The following AANAT variants were observed in gnomAD, a reference collection of about 807,000 sequenced individuals.
The protein encoded by AANAT is serotonin N-acetyltransferase.
A neutral mutation model predicts 15.6 loss-of-function variants in AANAT; 11 were observed. The observed-to-expected ratio is 0.71, with a 90% CI of 0.44 to 1.17. The LOEUF is 1.17. Ranked by LOEUF, AANAT falls within the 50% of genes most tolerant of loss-of-function variation. The pLI, the probability that AANAT is intolerant of heterozygous loss-of-function variation, is 0.00. For missense variants in AANAT, 286 were observed against 296.3 expected (o/e 0.97, Z 0.26); for synonymous variants, 139 against 131.5 (o/e 1.06, Z -0.39).
chr17:76,459,054 G>A (rs955663043), intron 1 of AANAT, among the ~76,000 whole-genome samples: 2 of 152,226 alleles, frequency 1.3e-5, no homozygotes, highest in African/African-American at 4.8e-5. Flanking sequence ...TGTGGGACTT[G>A]CCCAAGGTCA....
At chr17:76,463,993 C>T (rs1485110632), upstream of AANAT, among the ~76,000 whole-genome samples, 1 of 152,068 alleles carries the variant, frequency 6.6e-6, no homozygotes. Flanking sequence ...TAGCATGGTC[C>T]CTGGCAGTTC....
Position 76,469,369 on chromosome 17 carries a change from G to A in AANAT, c.318+42G>A, listed in dbSNP as rs778942728. ...GACGCCCAGCTCCAGGGAGGCCTCT[G>A]AAGACAGAGGTCAGCCAGATGGCGG... On this transcript the variant is annotated intron_variant, in intron 3 of 3. Coordinates refer to ENST00000392492, the MANE Select transcript of AANAT (RefSeq NM_001088.3). The surrounding 1 kb of genome is among the most constrained non-coding windows in gnomAD (Gnocchi z 5.2). 3.1e-6 allele frequency: 5 copies of A among 1,609,632 alleles called. No homozygotes were observed. The highest frequency in any genetic ancestry group is 4.2e-6 in the Non-Finnish European group (5 of 1,178,050).
chr17:76,468,927 G>A lies in AANAT; in HGVS notation c.163+18G>A, dbSNP rs199980574. The A allele has an allele frequency of 2.5e-6, 4 of 1,605,478 alleles. No homozygotes were observed. The highest frequency in any genetic ancestry group is 2.7e-5 in the African/African-American group (2 of 74,800). On this transcript the variant is annotated intron_variant, in intron 2 of 3. Transcript: ENST00000392492. ...GCGTGAAGGTGAGTGGCCCCGCACA[G>A]GGTCAGAGGGATGCTCCACTCTGGT...
At chr17:76,454,548 C>A (rs995389004) in intron 1 of AANAT, among the ~76,000 whole-genome samples, 2 of 151,952 alleles carry the variant, frequency 1.3e-5, no homozygotes, top group African/African-American at 4.8e-5. Flanking sequence ...GGCGTGGTGG[C>A]TCATGCCTGT....
At chr17:76,464,201 G>T (rs1486245079), upstream of AANAT, among the ~76,000 whole-genome samples, 1 of 152,154 alleles carries the variant, frequency 6.6e-6, no homozygotes, top group Admixed American at 6.5e-5. Context: ...AATTAGCCAG[G>T]CATGGTGGTG....
intron 1 of AANAT, chr17:76,459,135 T>G (rs2073364709): frequency 6.6e-6 from 1 of 152,176 alleles, no homozygotes; most frequent in Non-Finnish European, 1.5e-5. Flanking sequence ...GCTGTGAGGG[T>G]GGGTTGCAAT....
At chr17:76,467,270 T>A (rs2073448249), upstream of AANAT, among the ~76,000 whole-genome samples, 1 of 152,168 alleles carries the variant, frequency 6.6e-6, no homozygotes, top group Non-Finnish European at 1.5e-5. Context: ...ATTGGTAGCT[T>A]GAATTCCCAC....
At chr17:76,465,836 C>T (rs1194967651), upstream of AANAT, 7 of 304,352 alleles carry the variant, frequency 2.3e-5, no homozygotes, top group African/African-American at 1.6e-4. Context: ...AACATACCGC[C>T]TCATCTTTAA....
At chr17:76,464,529 G>A (rs2073419235), upstream of AANAT, among the ~76,000 whole-genome samples, 1 of 152,028 alleles carries the variant, frequency 6.6e-6, no homozygotes, top group African/African-American at 2.4e-5. Flanking sequence ...CCCCTGAGGG[G>A]AGCCATCATG....
intron 1 of AANAT, among the ~76,000 whole-genome samples, chr17:76,457,200 G>A (rs959387227): frequency 6.6e-6 from 1 of 152,030 alleles, no homozygotes; most frequent in African/African-American, 2.4e-5. Context: ...CCACCACCAC[G>A]GCTGGCTAAT....
Position 76,469,360 on chromosome 17 carries a change from G to C in AANAT, c.318+33G>C, listed in dbSNP as rs754669497. ...CAGGGCTGCGACGCCCAGCTCCAGG[G>C]AGGCCTCTGAAGACAGAGGTCAGCC... On this transcript the variant is annotated intron_variant, in intron 3 of 3. Coordinates refer to ENST00000392492, the MANE Select transcript of AANAT (RefSeq NM_001088.3). The surrounding 1 kb of genome is among the most constrained non-coding windows in gnomAD (Gnocchi z 5.2). 1 of 1,611,972 alleles carries C rather than the reference G, an allele frequency of 6.2e-7. No homozygotes were observed. The highest frequency in any genetic ancestry group is 2.2e-5 in the East Asian group (1 of 44,870).
chr17:76,459,044 T>C (rs1283425703), intron 1 of AANAT, among the ~76,000 whole-genome samples: 1 of 152,202 alleles, frequency 6.6e-6, no homozygotes, highest in Non-Finnish European at 1.5e-5. Flanking sequence ...CTGGGAAAAC[T>C]GTGGGACTTG....
chr17:76,464,787 C>A (rs976110361), upstream of AANAT, among the ~76,000 whole-genome samples: 1 of 135,562 alleles, frequency 7.4e-6, no homozygotes, highest in Non-Finnish European at 1.6e-5. Context: ...TTCTCCCTGT[C>A]TGTATCTATA....
At chr17:76,457,859 A>T (rs1441332932) in intron 1 of AANAT, among the ~76,000 whole-genome samples, 1 of 152,190 alleles carries the variant, frequency 6.6e-6, no homozygotes, top group Non-Finnish European at 1.5e-5. Flanking sequence ...AACATGGCAA[A>T]ACCATATCTC....
At chr17:76,459,370 C>A (rs2073366531) in intron 2 of AANAT, 1 of 152,278 alleles carries the variant, frequency 6.6e-6, no homozygotes, top group Non-Finnish European at 1.5e-5. Context: ...GCCATAGGTA[C>A]AAAGTAGACT....
Position 76,469,197 on chromosome 17 carries a change from GC to G in AANAT, c.193del (p.Leu65CysfsTer10). The G allele has an allele frequency of 6.2e-7, 1 of 1,614,140 alleles. No homozygotes were observed. The highest frequency in any genetic ancestry group is 8.5e-7 in the Non-Finnish European group (1 of 1,180,028). The part of the protein sequence containing the change: ...REAFISVLGV[C>X]PLYLDEIRHF... The stretch of plus-strand genomic sequence containing the variant: ...GCCTTCATCTCCGTCTTGGGCGTCT[GC>G]CCCCTGTACCTGGATGAGATCCGGC... On this transcript the variant is annotated frameshift_variant, in exon 3 of 4. Coordinates refer to ENST00000392492, the MANE Select transcript of AANAT (RefSeq NM_001088.3). LOFTEE classifies it high-confidence loss of function. The surrounding 1 kb of genome is among the most constrained non-coding windows in gnomAD (Gnocchi z 5.2).
chr17:76,465,220 T>C (rs916584386), upstream of AANAT, among the ~76,000 whole-genome samples: 2 of 152,010 alleles, frequency 1.3e-5, no homozygotes, highest in African/African-American at 4.8e-5. Flanking sequence ...ACCAGAGGCG[T>C]TGCCAGCACT....
rs898803994 is a variant in AANAT at position 76,469,561 on chromosome 17, C to T, written c.319-104C>T. Reference sequence around the variant, plus strand: ...TCCTTTGCTGGGGTGGGTGCCCTGACCACAGGCACCCAGGGGACACCTGCT... The same window carrying T: ...TCCTTTGCTGGGGTGGGTGCCCTGATCACAGGCACCCAGGGGACACCTGCT... On this transcript the variant is annotated intron_variant, in intron 3 of 3. Transcript: ENST00000392492. This position sits in a 1 kb window ranked among gnomAD's most constrained non-coding sequence, Gnocchi z 5.2. The T allele has an allele frequency of 3.7e-6, 5 of 1,335,334 alleles. No homozygotes were observed. In the African/African-American group the frequency reaches 7.4e-5, roughly 20 times the overall value. 82.7% of individuals were successfully genotyped at this position (1,335,334 alleles called of 1,614,324 possible).
Position 76,453,961 on chromosome 17 carries a change from ATTAAC to A in AANAT, c.-576+183_-576+187del, listed in dbSNP as rs373522679. Among the ~76,000 whole-genome samples the A allele has an allele frequency of 2.4e-3, 373 of 152,350 alleles. 6 individuals are homozygous for A. Among genetic ancestry groups the A allele is most frequent in the African/African-American group, 8.1e-3 (337 of 41,580 alleles). On this transcript the variant is annotated intron_variant, in intron 1 of 6. Transcript: ENST00000250615. The stretch of plus-strand genomic sequence containing the variant: ...CTAATCTATAAAAATAGGCACACTG[ATTAAC>A]TTATTTTCATCTTAATTTGCTCATC...
Sources: gnomAD v4.1 joint callset for allele counts (sites outside exome capture counted in the v4.1 genomes callset) on GRCh38, gnomAD v4.1.1 for gene constraint, Gnocchi (gnomAD v3.1) non-coding constraint, MANE v1.5 for transcripts, NCBI Gene and HGNC (gene_info 2026-07-23, HGNC 2026-07-21) for gene names.